Variants in FGF14 observed in about 807,000 individuals in gnomAD.
The protein encoded by FGF14 is fibroblast growth factor homologous factor 4.
Under a neutral mutation model 25.5 loss-of-function variants are expected in FGF14, and 5 were observed. That is an observed-to-expected ratio of 0.20 (90% CI 0.10 to 0.41). The LOEUF is 0.41. Ranked by LOEUF, FGF14 falls within the 10% of genes least tolerant of loss-of-function variation. The probability of loss-of-function intolerance (pLI) is 1.00; values close to 1 mark genes in which losing one functional copy is unlikely to be tolerated. For synonymous variants in FGF14, 138 were observed against 118.3 expected, an observed-to-expected ratio of 1.17 and a Z score of -1.08; for missense variants, 222 against 320.1, an observed-to-expected ratio of 0.69 and a Z score of 2.34.
intron 3 of FGF14, among the ~76,000 whole-genome samples, chr13:101,851,166 C>G (rs2043825486): frequency 6.6e-6 from 1 of 151,892 alleles, no homozygotes; most frequent in Admixed American, 6.6e-5. Flanking sequence ...TCCAATATGT[C>G]TGGTGTCTTT....
chr13:102,243,984 T>C (rs2051732167), intron 1 of FGF14, among the ~76,000 whole-genome samples: 3 of 152,044 alleles, frequency 2.0e-5, no homozygotes, highest in Admixed American at 2.0e-4. Context: ...ACTATTCTCA[T>C]CCCATCCTGT....
intron 4 of FGF14, among the ~76,000 whole-genome samples, chr13:101,724,459 G>T (rs148760936): frequency 6.4e-4 from 97 of 151,464 alleles, no homozygotes; most frequent in African/African-American, 2.2e-3. Context: ...GGGGGATGGG[G>T]GAGGGATAGC....
At chr13:102,171,899 T>A (rs1227451656) in intron 1 of FGF14, among the ~76,000 whole-genome samples, 10 of 151,754 alleles carry the variant, frequency 6.6e-5, no homozygotes, top group Non-Finnish European at 1.0e-4. Context: ...TAGGTTTTTT[T>A]TTTTTTGCTG....
intron 1 of FGF14, among the ~76,000 whole-genome samples, chr13:102,398,877 T>A (rs1306988914): frequency 6.9e-6 from 1 of 145,348 alleles, no homozygotes; most frequent in Non-Finnish European, 1.5e-5. Context: ...ATATATATAT[T>A]ATATATATGT....
rs937684750 is a variant in FGF14 at position 101,717,701 on chromosome 13, A to C, written c.*5130T>G. On this transcript the variant is annotated 3_prime_UTR_variant, in exon 5 of 5. Coordinates refer to ENST00000376143, the MANE Select transcript of FGF14 (RefSeq NM_004115.4). The stretch of plus-strand genomic sequence containing the variant: ...TTCTGTTTAATACTTTAAAGCTGTA[A>C]AAAAAATTTAAAAAATTCCTTCTGA... 2.0e-5 allele frequency: 3 copies of C among 152,060 alleles called. No individual in the cohort carries two copies. Among genetic ancestry groups the C allele is most frequent in the African/African-American group, 7.2e-5 (3 of 41,398 alleles). 9.4% of individuals were successfully genotyped at this position (152,060 alleles called of 1,614,324 possible). A position where few individuals can be genotyped will look rare whatever the true frequency, so the allele number is the denominator to read the frequency against.
intron 1 of FGF14, among the ~76,000 whole-genome samples, chr13:101,946,586 C>A (rs576834744): frequency 6.6e-6 from 1 of 152,298 alleles, no homozygotes; most frequent in South Asian, 2.1e-4. Context: ...CCCTGTTCTG[C>A]CATCTGTGGA....
intron 1 of FGF14, among the ~76,000 whole-genome samples, chr13:102,323,371 T>C (rs2056314335): frequency 6.6e-6 from 1 of 152,232 alleles, no homozygotes; most frequent in Admixed American, 6.5e-5. Context: ...TGCTTCTTTT[T>C]ATTTCATTTC....
At chr13:102,275,556 C>G (rs1285991665) in intron 1 of FGF14, among the ~76,000 whole-genome samples, 1 of 152,100 alleles carries the variant, frequency 6.6e-6, no homozygotes, top group African/African-American at 2.4e-5. Flanking sequence ...TAAAGGCATT[C>G]CATTGGGAAA....
At position 102,383,809 on chromosome 13, in the gene FGF14, TG is replaced by T. The variant is rs776108346; in HGVS notation, c.208+17661del. Among the ~76,000 whole-genome samples the T allele has an allele frequency of 1.4e-3, 204 of 149,978 alleles. 1 individual carries two copies. The highest frequency in any genetic ancestry group is 6.8e-3 in the Middle Eastern group (2 of 294). ...CCCTGTCTGATTCATGTATCACCCATGGGGCCAAGCGCACTCTCCTTCATGT... is the reference window on the plus strand; with the variant it reads ...CCCTGTCTGATTCATGTATCACCCATGGGCCAAGCGCACTCTCCTTCATGT... On this transcript the variant is annotated intron_variant, in intron 1 of 4. Transcript: ENST00000376131.
intron 1 of FGF14, among the ~76,000 whole-genome samples, chr13:102,340,090 A>G (rs1050915858): frequency 4.6e-5 from 7 of 152,216 alleles, no homozygotes; most frequent in Admixed American, 1.3e-4. Flanking sequence ...AAAGAAAAAA[A>G]ACACAGTAAT....
chr13:102,279,440 C>G (rs981257509), intron 1 of FGF14, among the ~76,000 whole-genome samples: 1 of 152,142 alleles, frequency 6.6e-6, no homozygotes, highest in South Asian at 2.1e-4. Flanking sequence ...TACATTTAAT[C>G]AATTTAGTTG....
chr13:101,936,562 G>A (rs1374516271), intron 1 of FGF14, among the ~76,000 whole-genome samples: 1 of 152,156 alleles, frequency 6.6e-6, no homozygotes, highest in South Asian at 2.1e-4. Flanking sequence ...TGGGGATCAC[G>A]GGATAACATA....
At chr13:102,334,552 T>C (rs1235707591) in intron 1 of FGF14, among the ~76,000 whole-genome samples, 1 of 152,118 alleles carries the variant, frequency 6.6e-6, no homozygotes, top group Non-Finnish European at 1.5e-5. Context: ...TGTTCTCTTT[T>C]GCCTCAAGAT....
At chr13:101,806,485 TG>T (rs1469566109) in intron 3 of FGF14, among the ~76,000 whole-genome samples, 11 of 151,754 alleles carry the variant, frequency 7.2e-5, no homozygotes, top group Non-Finnish European at 1.0e-4. Context: ...TTTTTTTTTT[TG>T]TTTTCATTCC....
At chr13:102,011,729 A>T (rs574198431) in intron 1 of FGF14, among the ~76,000 whole-genome samples, 2 of 152,320 alleles carry the variant, frequency 1.3e-5, no homozygotes, top group East Asian at 3.9e-4. Context: ...GATCACAGAA[A>T]TGCGACCACA....
chr13:102,025,071 A>G (rs2139892952), intron 1 of FGF14, among the ~76,000 whole-genome samples: 1 of 151,728 alleles, frequency 6.6e-6, no homozygotes, highest in South Asian at 2.1e-4. Context: ...TATGCCATGT[A>G]TACTGGCATA....
chr13:101,744,180 G>A (rs919220734), intron 3 of FGF14, among the ~76,000 whole-genome samples: 1 of 152,144 alleles, frequency 6.6e-6, no homozygotes, highest in African/African-American at 2.4e-5. Context: ...TTGATTGGGA[G>A]CTTGTGGGTG....
intron 1 of FGF14, among the ~76,000 whole-genome samples, chr13:102,258,253 T>G (rs1420798857): frequency 6.6e-6 from 1 of 152,012 alleles, no homozygotes; most frequent in Non-Finnish European, 1.5e-5. Flanking sequence ...AAGATGAGAT[T>G]TGGGTGGGGA....
chr13:102,306,418 G>A (rs1226292489), intron 1 of FGF14, among the ~76,000 whole-genome samples: 2 of 151,778 alleles, frequency 1.3e-5, no homozygotes, highest in Non-Finnish European at 1.5e-5. Context: ...AGATGATGGA[G>A]GGGAAGACAA....
Sources: allele counts gnomAD v4.1 joint callset (sites outside exome capture counted in the v4.1 genomes callset), GRCh38; gene constraint gnomAD v4.1.1; transcripts MANE v1.5; gene names NCBI Gene and HGNC (gene_info 2026-07-23, HGNC 2026-07-21).